MNAT1: variants seen among roughly 807,000 people sequenced by gnomAD.
MNAT1 encodes the protein MNAT1 component of CDK activating kinase.
Under a neutral mutation model 42.0 loss-of-function variants are expected in MNAT1, and 43 were observed. The ratio of observed to expected loss-of-function variants is 1.02; its 90% CI spans 0.80 to 1.32. MNAT1 has a LOEUF of 1.32. Ranked by LOEUF, MNAT1 falls within the 40% of genes most tolerant of loss-of-function variation. The probability of loss-of-function intolerance (pLI) is 0.00; values close to 1 mark genes in which losing one functional copy is unlikely to be tolerated. For missense variants in MNAT1, 306 were observed against 350.4 expected (o/e 0.87, Z 1.01); for synonymous variants, 118 against 120.0 (o/e 0.98, Z 0.11).
chr14:60,775,144 A>G (rs2031203607), intron 1 of MNAT1, among the ~76,000 whole-genome samples: 1 of 152,220 alleles, frequency 6.6e-6, no homozygotes, highest in Admixed American at 6.5e-5. Context: ...GAAACAGAGA[A>G]AGAGAGACAG....
At chr14:60,775,032 A>C (rs4151182) in intron 1 of MNAT1, among the ~76,000 whole-genome samples, 102,603 of 151,906 alleles carry the variant, frequency 0.68, 35,042 homozygotes, top group Admixed American at 0.74. Context: ...ACAGCTGTTT[A>C]GACTGGATAT....
At chr14:60,764,977 G>A (rs1334012821) in intron 1 of MNAT1, among the ~76,000 whole-genome samples, 2 of 152,300 alleles carry the variant, frequency 1.3e-5, no homozygotes, top group Non-Finnish European at 1.5e-5. Context: ...TAGGCCAGGC[G>A]CGGTTGCTCA....
At chr14:60,791,766 T>G (rs2031826490) in intron 1 of MNAT1, among the ~76,000 whole-genome samples, 1 of 152,166 alleles carries the variant, frequency 6.6e-6, no homozygotes, top group African/African-American at 2.4e-5. Flanking sequence ...TTTGAGGTCA[T>G]AAGTTTTTTA....
rs4151238 is a variant in MNAT1, at chr14:60,825,362, G to A, written c.687+6515G>A. On this transcript the variant is annotated intron_variant, in intron 6 of 7. Coordinates refer to ENST00000261245, the MANE Select transcript of MNAT1 (RefSeq NM_002431.4). ...GTGGAGACTGACACAGAATACAGATGAAAGTCTAAATGTTTATGAAGTTAA... is the reference window on the plus strand; with the variant it reads ...GTGGAGACTGACACAGAATACAGATAAAAGTCTAAATGTTTATGAAGTTAA... 5.1e-3 allele frequency among the ~76,000 whole-genome samples: 781 copies of A among 152,272 alleles called. 13 individuals are homozygous for A. Among genetic ancestry groups the A allele is most frequent in the African/African-American group, 0.018 (733 of 41,558 alleles).
At chr14:60,958,083 C>T (rs1181166165) in intron 7 of MNAT1, among the ~76,000 whole-genome samples, 1 of 152,190 alleles carries the variant, frequency 6.6e-6, no homozygotes. Flanking sequence ...GTGATCTGCC[C>T]GCCTCACCCT....
chr14:60,742,205 C>G (rs566124208), intron 1 of MNAT1, among the ~76,000 whole-genome samples: 2 of 152,038 alleles, frequency 1.3e-5, no homozygotes, highest in African/African-American at 4.8e-5. Flanking sequence ...TCCACTTCAG[C>G]CACCCCAGAA....
chr14:60,737,126 G>A (rs1896329527), intron 1 of MNAT1, among the ~76,000 whole-genome samples: 1 of 152,058 alleles, frequency 6.6e-6, no homozygotes, highest in Admixed American at 6.5e-5. Context: ...ACACACTGCT[G>A]TTTCTGAATG....
chr14:60,858,067 T>G (rs2034005311), intron 6 of MNAT1, among the ~76,000 whole-genome samples: 1 of 152,222 alleles, frequency 6.6e-6, no homozygotes, highest in Admixed American at 6.5e-5. Context: ...CAGCATGATT[T>G]ATAATCCTTT....
chr14:60,785,866 T>G (rs1215162750), intron 1 of MNAT1, among the ~76,000 whole-genome samples: 2 of 152,152 alleles, frequency 1.3e-5, no homozygotes, highest in Non-Finnish European at 2.9e-5. Flanking sequence ...AGAAATAGCA[T>G]CTTGACTAGT....
chr14:60,735,299 A>G (rs995244486), intron 1 of MNAT1, among the ~76,000 whole-genome samples: 2 of 152,164 alleles, frequency 1.3e-5, no homozygotes, highest in Non-Finnish European at 2.9e-5. Context: ...TTTATTTCAT[A>G]TGAAATGTTT....
intron 1 of MNAT1, among the ~76,000 whole-genome samples, chr14:60,764,163 T>C (rs779740922): frequency 6.6e-6 from 1 of 152,204 alleles, no homozygotes; most frequent in Non-Finnish European, 1.5e-5. Flanking sequence ...TATGTAATAT[T>C]TGTTAGTGGT....
chr14:60,857,126 C>T (rs1020875898), intron 6 of MNAT1, among the ~76,000 whole-genome samples: 2 of 152,172 alleles, frequency 1.3e-5, no homozygotes, highest in African/African-American at 4.8e-5. Context: ...AGTGTTGAGA[C>T]CTACTCTTCA....
At chr14:60,889,556 C>T (rs191163681) in intron 7 of MNAT1, among the ~76,000 whole-genome samples, 3,672 of 152,184 alleles carry the variant, frequency 0.024, 63 homozygotes, top group Non-Finnish European at 0.037. Flanking sequence ...GACTTCATGT[C>T]TAAAACACCA....
chr14:60,844,132 A>G (rs111512407), intron 6 of MNAT1, among the ~76,000 whole-genome samples: 9 of 15,214 alleles, frequency 5.9e-4, no homozygotes, highest in African/African-American at 8.3e-4. Flanking sequence ...TTCTGTTTCA[A>G]TAACTTATCT....
intron 1 of MNAT1, among the ~76,000 whole-genome samples, chr14:60,745,558 A>C (rs1342452012): frequency 2.0e-5 from 3 of 152,148 alleles, no homozygotes; most frequent in African/African-American, 7.2e-5. Flanking sequence ...ATGGGATTAC[A>C]GGTGTGTACC....
chr14:60,789,284 T>G (rs111354960), intron 1 of MNAT1, among the ~76,000 whole-genome samples: 2 of 152,310 alleles, frequency 1.3e-5, no homozygotes, highest in African/African-American at 4.8e-5. Flanking sequence ...TGGGTGCTTT[T>G]CATGGTGCCC....
intron 7 of MNAT1, among the ~76,000 whole-genome samples, chr14:60,914,551 T>C (rs1013130304): frequency 1.4e-4 from 2 of 14,266 alleles, no homozygotes; most frequent in African/African-American, 4.5e-4. Context: ...GAGGCACAGA[T>C]ATGGTAAAAA....
In MNAT1 at chr14:60,802,333, A is replaced by G. The variant is rs574585622; in HGVS notation, c.316+4173A>G. Among the ~76,000 whole-genome samples, 106 of 152,322 alleles carry G rather than the reference A, an allele frequency of 7.0e-4. 3 individuals are homozygous for G. In the Middle Eastern group the frequency reaches 0.02, roughly 29 times the overall value. On this transcript the variant is annotated intron_variant, in intron 3 of 7. Transcript: ENST00000261245. Reference sequence around the variant, plus strand: ...AAATTGCTAAAAGAGTAGATTTTCAATGTCCTTGCTACAAAAAAATAAGCA... The same window carrying G: ...AAATTGCTAAAAGAGTAGATTTTCAGTGTCCTTGCTACAAAAAAATAAGCA...
intron 7 of MNAT1, among the ~76,000 whole-genome samples, chr14:60,897,413 A>C (rs532575683): frequency 2.8e-4 from 42 of 152,236 alleles, no homozygotes; most frequent in South Asian, 1.7e-3. Context: ...GAGAAGTAAG[A>C]ATGACTTCTC....
Sources: allele counts gnomAD v4.1 joint callset (sites outside exome capture counted in the v4.1 genomes callset), GRCh38; gene constraint gnomAD v4.1.1; transcripts MANE v1.5; gene names NCBI Gene and HGNC (gene_info 2026-07-23, HGNC 2026-07-21).